RMND5A: variants seen among roughly 807,000 people sequenced by gnomAD.
The protein encoded by RMND5A is required for meiotic nuclear division 5 homolog A, also known as E3 ubiquitin-protein transferase RMND5A.
In RMND5A, 17 loss-of-function variants were observed where a neutral mutation model predicts 49.7. That is an observed-to-expected ratio of 0.34 (90% CI 0.23 to 0.51). The LOEUF is 0.51. Among genes scored for constraint, RMND5A ranks in the 20% least tolerant of loss-of-function variants. The pLI is 0.96. For missense variants in RMND5A, 255 were observed against 471.3 expected, an observed-to-expected ratio of 0.54 and a Z score of 4.25; for synonymous variants, 156 against 167.7, an observed-to-expected ratio of 0.93 and a Z score of 0.54.
chr2:86,762,691 CATATAT>C (rs1210117444), intron 4 of RMND5A, among the ~76,000 whole-genome samples: 2 of 11,780 alleles, frequency 1.7e-4, no homozygotes, highest in Non-Finnish European at 2.5e-3. Flanking sequence ...ATATATATAT[CATATAT>C]ATCATATATA....
chr2:86,753,063 G>C (rs1248784202), intron 3 of RMND5A, among the ~76,000 whole-genome samples: 4 of 152,148 alleles, frequency 2.6e-5, no homozygotes, highest in African/African-American at 9.7e-5. Flanking sequence ...TGGTAGCTCT[G>C]CATTGTGAAA....
chr2:86,769,980 G>T, intron 6 of RMND5A, 43 bp from the exon 7 acceptor site: 1 of 1,471,352 alleles, frequency 6.8e-7, no homozygotes, highest in South Asian at 1.1e-5. Flanking sequence ...CAAGCGGCCT[G>T]ACCCCTGGCC....
In RMND5A at chr2:86,752,708, C is replaced by T. The variant is rs1681657517; in HGVS notation, c.420+678C>T. ...GGTTCTTTGTGAAAGAACTGGGATT[C>T]AGTCCCTGATTCATATGTCTTCACA... On this transcript the variant is annotated intron_variant, in intron 3 of 8. Coordinates refer to ENST00000283632, the MANE Select transcript of RMND5A (RefSeq NM_022780.4). 2.0e-5 allele frequency among the ~76,000 whole-genome samples: 3 copies of T among 152,228 alleles called. No homozygotes were observed. The South Asian group carries it at 6.2e-4, about 31-fold the overall frequency.
chr2:86,752,242 A>T (rs1553426815), intron 3 of RMND5A, among the ~76,000 whole-genome samples: 4 of 152,036 alleles, frequency 2.6e-5, no homozygotes, highest in Non-Finnish European at 5.9e-5. Flanking sequence ...TATCCAGATC[A>T]TTTTTTTCTT....
In RMND5A at chr2:86,775,724, ATAT is replaced by A. The variant is rs1672757608; in HGVS notation, c.*2317_*2319del. On this transcript the variant is annotated 3_prime_UTR_variant, in exon 9 of 9. Transcript: ENST00000283632. ...AATCTGAAACTCTTATGAATCTGAC[ATAT>A]TATATGGAAATTATATCTTGTGACC... is the stretch of plus-strand genomic sequence containing the variant. 1 of 152,188 alleles carries A rather than the reference ATAT, an allele frequency of 6.6e-6. No individual in the cohort carries two copies. The highest frequency in any genetic ancestry group is 2.4e-5 in the African/African-American group (1 of 41,444). The allele number at this position is 152,188 out of a possible 1,614,324, so 9.4% of individuals were successfully genotyped here.
At chr2:86,762,971 C>T (rs934184859) in intron 4 of RMND5A, among the ~76,000 whole-genome samples, 1 of 150,930 alleles carries the variant, frequency 6.6e-6, no homozygotes, top group African/African-American at 2.4e-5. Context: ...GCCTGGGAGG[C>T]GGAGGTTGCA....
At chr2:86,750,560 T>G (rs1458124534) in intron 2 of RMND5A, among the ~76,000 whole-genome samples, 1 of 152,216 alleles carries the variant, frequency 6.6e-6, no homozygotes. Context: ...GTTTTAACAG[T>G]TTGAATGTGA....
intron 6 of RMND5A, among the ~76,000 whole-genome samples, chr2:86,767,342 C>T (rs1045315863): frequency 6.6e-5 from 10 of 152,004 alleles, no homozygotes; most frequent in Non-Finnish European, 1.5e-4. Context: ...GGTTTATAGG[C>T]GTGAGCCACC....
intron 4 of RMND5A, among the ~76,000 whole-genome samples, chr2:86,761,978 G>A (rs905510573): frequency 6.6e-6 from 1 of 152,114 alleles, no homozygotes; most frequent in African/African-American, 2.4e-5. Flanking sequence ...AGCTTAAATT[G>A]ATAATTCATA....
rs186261485 is a variant in RMND5A, at chr2:86,771,157, G to A, written c.958-401G>A. ...TGCCGCTAACTTGAACAAGTGAAAA[G>A]AACTTGAGCCTTCACTTGTTTTGTG... On this transcript the variant is annotated intron_variant, in intron 7 of 8. Coordinates refer to ENST00000283632, the MANE Select transcript of RMND5A (RefSeq NM_022780.4). 5.0e-4 allele frequency: 80 copies of A among 161,398 alleles called. 1 individual carries two copies. The East Asian group carries it at 0.013, about 26-fold the overall frequency. The allele number at this position is 161,398 out of a possible 1,614,324, so 10.0% of individuals were successfully genotyped here.
chr2:86,765,926 C>T lies in RMND5A; in HGVS notation c.756C>T (p.His252=), dbSNP rs1488851757. 6 of 1,614,158 alleles carry T rather than the reference C, an allele frequency of 3.7e-6. No individual in the cohort carries two copies. Among genetic ancestry groups the T allele is most frequent in the Middle Eastern group, 1.6e-4 (1 of 6,062 alleles). Residue 252 remains histidine (H), a synonymous_variant, in exon 6 of 9, where the codon CAC becomes CAT. Coordinates refer to ENST00000283632, the MANE Select transcript of RMND5A (RefSeq NM_022780.4). ...GGATTGAGAACTCACCATATGTTCACCTACTTGATGCAAACCAGTGGGCTG... is the reference window on the plus strand; with the variant it reads ...GGATTGAGAACTCACCATATGTTCATCTACTTGATGCAAACCAGTGGGCTG... ...RQGIENSPYV[H]LLDANQWADI... is the part of the protein sequence containing the mutation.
At chr2:86,755,841 A>AATATCAGC (rs2104400120) in intron 4 of RMND5A, among the ~76,000 whole-genome samples, 1 of 152,274 alleles carries the variant, frequency 6.6e-6, no homozygotes, top group East Asian at 1.9e-4. Context: ...AGTAGTGTTT[A>AATATCAGC]ATATCAGCAT....
Position 86,777,702 on chromosome 2 carries a change from G to T in RMND5A, c.*4291G>T, listed in dbSNP as rs1672792737. The stretch of plus-strand genomic sequence containing the variant: ...TAGAGCTATATGTATGGAAAATTTT[G>T]ATCAATTTTTTAAGAAATGTATCCT... On this transcript the variant is annotated 3_prime_UTR_variant, in exon 9 of 9. Transcript: ENST00000283632. 1 of 152,110 alleles carries T rather than the reference G, an allele frequency of 6.6e-6. No homozygotes were observed. Among genetic ancestry groups the T allele is most frequent in the Admixed American group, 6.6e-5 (1 of 15,266 alleles). The allele number at this position is 152,110 out of a possible 1,614,324, so 9.4% of individuals were successfully genotyped here. A position where few individuals can be genotyped will look rare whatever the true frequency, so the allele number is the denominator to read the frequency against.
rs35353170 is a variant in RMND5A at position 86,750,771 on chromosome 2, GTT to G, written c.286-1110_286-1109del. On this transcript the variant is annotated intron_variant, in intron 2 of 8. Coordinates refer to ENST00000283632, the MANE Select transcript of RMND5A (RefSeq NM_022780.4). ...TTTTCCCACAGGTCCCTGAGGCTCT[GTT>G]TTTTTTTTTTTTTTAAACTGGTGTT... Among the ~76,000 whole-genome samples the G allele has an allele frequency of 7.2e-3, 1,010 of 141,128 alleles. 5 individuals are homozygous for G. Among genetic ancestry groups the G allele is most frequent in the African/African-American group, 0.019 (737 of 38,248 alleles). The allele number at this position is 141,128 out of a possible 152,430, so 92.6% of individuals were successfully genotyped here. A position where few individuals can be genotyped will look rare whatever the true frequency, so the allele number is the denominator to read the frequency against.
intron 2 of RMND5A, among the ~76,000 whole-genome samples, chr2:86,744,241 A>G (rs1046718060): frequency 2.6e-5 from 4 of 152,184 alleles, no homozygotes; most frequent in African/African-American, 4.8e-5. Flanking sequence ...GCTGTTTCAC[A>G]TAAGACTGCA....
intron 4 of RMND5A, among the ~76,000 whole-genome samples, chr2:86,760,885 T>C (rs906883369): frequency 1.3e-5 from 2 of 152,140 alleles, no homozygotes; most frequent in Admixed American, 6.5e-5. Context: ...TCACCATCTT[T>C]TCACTTATAT....
chr2:86,773,145 G>A (rs1672710272), intron 8 of RMND5A, among the ~76,000 whole-genome samples: 1 of 152,170 alleles, frequency 6.6e-6, no homozygotes, highest in Non-Finnish European at 1.5e-5. Context: ...TGGCATGGGT[G>A]GTATGTATTT....
intron 5 of RMND5A, 144 bp downstream of exon 5, chr2:86,765,337 C>T: frequency 1.3e-6 from 1 of 743,804 alleles, no homozygotes; most frequent in Non-Finnish European, 2.1e-6. Flanking sequence ...TTCTGACTGG[C>T]TCTAGACAAA....
At chr2:86,762,691 CATATATATCATATATATCATATAT>C (rs1672520936) in intron 4 of RMND5A, among the ~76,000 whole-genome samples, 1 of 11,780 alleles carries the variant, frequency 8.5e-5, no homozygotes, top group African/African-American at 9.8e-5. Context: ...ATATATATAT[CATATATATCATATATATCATATAT>C]ATCATATATA....
Sources: gnomAD v4.1 joint callset for allele counts (sites outside exome capture counted in the v4.1 genomes callset) on GRCh38, gnomAD v4.1.1 for gene constraint, MANE v1.5 for transcripts, NCBI Gene and HGNC (gene_info 2026-07-23, HGNC 2026-07-21) for gene names.